Variants in BLTP3A observed in about 807,000 individuals in gnomAD.
The protein encoded by BLTP3A is bridge-like lipid transfer protein family member 3A.
At chr6:34,872,587 T>G in the BLTP3A span, 2 of 983,354 alleles carry the variant, frequency 2.0e-6, no homozygotes, top group South Asian at 2.2e-5. Flanking sequence ...TGGGTGTGCT[T>G]TCCACTAGCT....
At chr6:34,825,857 A>G in the BLTP3A span, among the ~76,000 whole-genome samples, 1 of 152,128 alleles carries the variant, frequency 6.6e-6, no homozygotes, top group Non-Finnish European at 1.5e-5. Context: ...GACTATTATG[A>G]ATAATGCTGC....
chr6:34,856,864 C>G, the BLTP3A span: 11 of 1,614,210 alleles, frequency 6.8e-6, no homozygotes, highest in African/African-American at 1.2e-4. Flanking sequence ...CTTTCAGCCT[C>G]CAGCATGGAA....
the BLTP3A span, among the ~76,000 whole-genome samples, chr6:34,826,787 CT>C: frequency 2.3e-4 from 35 of 152,082 alleles, no homozygotes; most frequent in Middle Eastern, 3.2e-3. Flanking sequence ...CTCCTGTGTC[CT>C]TTTGACAAGA....
the BLTP3A span, among the ~76,000 whole-genome samples, chr6:34,836,744 T>C: frequency 1.3e-5 from 2 of 152,356 alleles, no homozygotes; most frequent in African/African-American, 4.8e-5. Flanking sequence ...TAAATTCAAC[T>C]ATAGAAAACC....
the BLTP3A span, among the ~76,000 whole-genome samples, chr6:34,866,127 A>G: frequency 6.6e-6 from 1 of 152,194 alleles, no homozygotes; most frequent in Admixed American, 6.5e-5. Context: ...CTAAAAGGAA[A>G]GAGAAGGCCG....
At chr6:34,849,277 A>G in the BLTP3A span, among the ~76,000 whole-genome samples, 2 of 151,924 alleles carry the variant, frequency 1.3e-5, no homozygotes, top group South Asian at 4.2e-4. Context: ...ACAGGCATGC[A>G]CCACCACAAC....
the BLTP3A span, among the ~76,000 whole-genome samples, chr6:34,846,112 C>CCCCTCCCTTT: frequency 9.2e-6 from 1 of 108,826 alleles, no homozygotes; most frequent in Non-Finnish European, 1.8e-5. Flanking sequence ...CCCCTCCCCT[C>CCCCTCCCTTT]CCTTTCCCTT....
chr6:34,821,842 G>T, the BLTP3A span: 1 of 1,614,152 alleles, frequency 6.2e-7, no homozygotes, highest in Non-Finnish European at 8.5e-7. Context: ...GAATGCTGCT[G>T]TTCTCTTTGG....
chr6:34,828,334 C>G, the BLTP3A span, among the ~76,000 whole-genome samples: 1 of 151,642 alleles, frequency 6.6e-6, no homozygotes, highest in African/African-American at 2.4e-5. Flanking sequence ...GCCTGTAATC[C>G]CAGCTACTCA....
At chr6:34,875,551 T>A in the BLTP3A span, 3 of 152,106 alleles carry the variant, frequency 2.0e-5, no homozygotes, top group Non-Finnish European at 4.4e-5. Context: ...TAAAAACATA[T>A]CCAGTAAGTA....
the BLTP3A span, among the ~76,000 whole-genome samples, chr6:34,847,386 GTTC>G: frequency 1.3e-5 from 2 of 152,198 alleles, no homozygotes; most frequent in South Asian, 2.1e-4. Context: ...ATAGGTATTA[GTTC>G]TTCTTTAAAT....
chr6:34,819,735 T>C, the BLTP3A span, among the ~76,000 whole-genome samples: 1 of 152,144 alleles, frequency 6.6e-6, no homozygotes, highest in East Asian at 1.9e-4. Flanking sequence ...CAGCCTTGCA[T>C]GGCAGATAGT....
chr6:34,807,632 A>G, the BLTP3A span, among the ~76,000 whole-genome samples: 5 of 152,264 alleles, frequency 3.3e-5, no homozygotes, highest in South Asian at 1.0e-3. Context: ...GAGTGCTGCA[A>G]GTCATGGGCT....
chr6:34,811,677 C>A, the BLTP3A span, among the ~76,000 whole-genome samples: 3 of 110,648 alleles, frequency 2.7e-5, no homozygotes, highest in South Asian at 3.2e-4. Flanking sequence ...TGGTGAGACC[C>A]CCCCCCCCGC....
the BLTP3A span, among the ~76,000 whole-genome samples, chr6:34,820,498 T>C: frequency 1.3e-5 from 2 of 152,170 alleles, no homozygotes; most frequent in South Asian, 4.1e-4. Flanking sequence ...AGTTCTCAGT[T>C]GTCAGATGCC....
the BLTP3A span, among the ~76,000 whole-genome samples, chr6:34,861,948 C>G: frequency 6.6e-6 from 1 of 152,146 alleles, no homozygotes; most frequent in Admixed American, 6.5e-5. Context: ...ATTTATTGAT[C>G]CATTCCTCTA....
the BLTP3A span, among the ~76,000 whole-genome samples, chr6:34,804,550 CT>C: frequency 2.0e-5 from 3 of 152,086 alleles, no homozygotes; most frequent in African/African-American, 7.2e-5. Context: ...AACAATGATA[CT>C]GAGAAGCAGC....
the BLTP3A span, among the ~76,000 whole-genome samples, chr6:34,802,552 G>T: frequency 1.3e-5 from 2 of 152,122 alleles, no homozygotes; most frequent in African/African-American, 4.8e-5. Context: ...GTAGAGATGG[G>T]GTTTCACCAT....
At chr6:34,803,052 T>C in the BLTP3A span, among the ~76,000 whole-genome samples, 3 of 151,572 alleles carry the variant, frequency 2.0e-5, no homozygotes, top group South Asian at 6.3e-4. Flanking sequence ...CATGGTGGCG[T>C]GTGTTTGTCG....
Sources: gnomAD v4.1 joint callset for allele counts (sites outside exome capture counted in the v4.1 genomes callset) on GRCh38, gnomAD v4.1.1 for gene constraint, MANE v1.5 for transcripts, NCBI Gene and HGNC (gene_info 2026-07-23, HGNC 2026-07-21) for gene names.